Variants in PRKG1 observed in about 807,000 individuals in gnomAD.
PRKG1 encodes the protein protein kinase cGMP-dependent 1, also known as cGMP-dependent protein kinase 1.
PRKG1 carries 35 observed loss-of-function variants against 88.1 expected under a neutral mutation model. The ratio of observed to expected loss-of-function variants is 0.40; its 90% CI spans 0.30 to 0.53. The LOEUF is 0.53. Among genes scored for constraint, PRKG1 ranks in the 20% least tolerant of loss-of-function variants. PRKG1 has a pLI of 0.59. For synonymous variants in PRKG1, 303 were observed against 292.5 expected (o/e 1.04, Z -0.37); for missense variants, 540 against 839.8 (o/e 0.64, Z 4.41).
chr10:51,568,949 G>C (rs1427038994), intron 3 of PRKG1, among the ~76,000 whole-genome samples: 2 of 152,066 alleles, frequency 1.3e-5, no homozygotes, highest in East Asian at 3.9e-4. Context: ...AGTGATGCTG[G>C]GTGTGGGCCG....
chr10:51,468,326 G>A (rs1251927399), intron 3 of PRKG1, among the ~76,000 whole-genome samples: 1 of 151,736 alleles, frequency 6.6e-6, no homozygotes, highest in Non-Finnish European at 1.5e-5. Flanking sequence ...CTGCATCTGA[G>A]TATATTTTTG....
At position 51,745,944 on chromosome 10, in the gene PRKG1, A is replaced by T. The variant is rs146336453; in HGVS notation, c.593-58641A>T. Among the ~76,000 whole-genome samples the T allele has an allele frequency of 2.0e-5, 3 of 152,338 alleles. No homozygotes were observed. The East Asian group carries it at 5.8e-4, about 29-fold the overall frequency. ...ACTGCAGCATCGAACTCCTGGGCTC[A>T]ATTGATCCTACTGCCTTAGCCTCCC... On this transcript the variant is annotated intron_variant, in intron 3 of 17. Transcript: ENST00000373980.
intron 3 of PRKG1, among the ~76,000 whole-genome samples, chr10:51,748,459 C>A (rs1837636040): frequency 6.6e-6 from 1 of 152,078 alleles, no homozygotes; most frequent in Non-Finnish European, 1.5e-5. Context: ...TAAAAGGCAT[C>A]CTAAGGCAAT....
At chr10:51,572,338 A>G (rs1424460604) in intron 3 of PRKG1, among the ~76,000 whole-genome samples, 1 of 151,868 alleles carries the variant, frequency 6.6e-6, no homozygotes, top group Non-Finnish European at 1.5e-5. Context: ...GAGTAATGAA[A>G]GGAAATCAGT....
intron 3 of PRKG1, among the ~76,000 whole-genome samples, chr10:51,478,046 G>A (rs749269291): frequency 1.3e-5 from 2 of 151,954 alleles, no homozygotes; most frequent in Admixed American, 6.6e-5. Flanking sequence ...GAGGTAAAGG[G>A]TATTCATCTG....
intron 7 of PRKG1, among the ~76,000 whole-genome samples, chr10:52,086,472 T>G (rs747257553): frequency 3.3e-5 from 5 of 151,520 alleles, no homozygotes; most frequent in Non-Finnish European, 7.4e-5. Context: ...TGTTGCAATC[T>G]TGGCTCACTG....
intron 3 of PRKG1, among the ~76,000 whole-genome samples, chr10:51,521,292 A>G (rs1841730425): frequency 6.6e-6 from 1 of 152,234 alleles, no homozygotes; most frequent in Non-Finnish European, 1.5e-5. Flanking sequence ...TCTGTCTCAA[A>G]AAAACAAAAA....
intron 2 of PRKG1, among the ~76,000 whole-genome samples, chr10:51,363,694 C>T (rs576444636): frequency 1.3e-5 from 2 of 151,772 alleles, no homozygotes; most frequent in Admixed American, 6.6e-5. Flanking sequence ...TGGTAGGAGT[C>T]GTGAGTCTTT....
chr10:51,252,007 G>A (rs1839438619), intron 2 of PRKG1, among the ~76,000 whole-genome samples: 1 of 151,726 alleles, frequency 6.6e-6, no homozygotes, highest in South Asian at 2.1e-4. Context: ...ATAATATGCA[G>A]TATATTGCAT....
intron 2 of PRKG1, among the ~76,000 whole-genome samples, chr10:51,163,660 A>T (rs1470287310): frequency 6.6e-6 from 1 of 152,176 alleles, no homozygotes; most frequent in Admixed American, 6.5e-5. Context: ...GGGGTGACAG[A>T]CGGCACCTGG....
intron 7 of PRKG1, among the ~76,000 whole-genome samples, chr10:52,122,935 A>G (rs575513322): frequency 6.6e-6 from 1 of 152,072 alleles, no homozygotes; most frequent in East Asian, 2.0e-4. Context: ...CAAAGGAAAC[A>G]CAACAGAAAA....
At chr10:52,227,827 A>G (rs1840426787) in intron 9 of PRKG1, among the ~76,000 whole-genome samples, 1 of 152,332 alleles carries the variant, frequency 6.6e-6, no homozygotes, top group African/African-American at 2.4e-5. Flanking sequence ...TGCACTGCAC[A>G]TGTGCCCAGT....
At chr10:51,518,948 T>G (rs1248796056) in intron 3 of PRKG1, among the ~76,000 whole-genome samples, 4 of 152,234 alleles carry the variant, frequency 2.6e-5, no homozygotes, top group African/African-American at 9.6e-5. Context: ...GCTTTCATTG[T>G]TCAAAATAAG....
intron 5 of PRKG1, among the ~76,000 whole-genome samples, chr10:52,005,699 G>A (rs1328402878): frequency 6.6e-6 from 1 of 152,076 alleles, no homozygotes; most frequent in Non-Finnish European, 1.5e-5. Context: ...ATTTGCTGAG[G>A]GATGCAGTCT....
intron 5 of PRKG1, among the ~76,000 whole-genome samples, chr10:51,918,589 G>T (rs1194774194): frequency 3.3e-5 from 5 of 152,122 alleles, no homozygotes; most frequent in Admixed American, 6.5e-5. Flanking sequence ...TGTTCGAAAT[G>T]GTTGCTCTGT....
intron 2 of PRKG1, among the ~76,000 whole-genome samples, chr10:51,304,517 T>A (rs1178281900): frequency 1.3e-5 from 2 of 152,110 alleles, no homozygotes; most frequent in Admixed American, 1.3e-4. Context: ...AGTTTTAGGG[T>A]ACATGTGCAC....
rs182140119 is a variant in PRKG1 at position 52,117,208 on chromosome 10, G to A, written c.936-16632G>A. ...TGTGTGTGTGTGTGTGTGTATGATTGGTAGCTTAATCTTTTAAGAGATCCA... is the reference window on the plus strand; with the variant it reads ...TGTGTGTGTGTGTGTGTGTATGATTAGTAGCTTAATCTTTTAAGAGATCCA... On this transcript the variant is annotated intron_variant, in intron 7 of 17. Transcript: ENST00000373980. 7.6e-5 allele frequency among the ~76,000 whole-genome samples: 11 copies of A among 145,060 alleles called. No homozygotes were observed. In the East Asian group the frequency reaches 2.2e-3, roughly 29 times the overall value.
intron 1 of PRKG1, among the ~76,000 whole-genome samples, chr10:51,005,402 C>G (rs74133930): frequency 1.5e-4 from 23 of 152,302 alleles, no homozygotes; most frequent in African/African-American, 4.8e-4. Flanking sequence ...CTTTGTTCGT[C>G]TCCTTTGATG....
chr10:51,074,970 T>C (rs1843909117), intron 1 of PRKG1, 69 bp downstream of exon 1: 3 of 1,478,412 alleles, frequency 2.0e-6, no homozygotes, highest in Non-Finnish European at 2.7e-6. Flanking sequence ...CTCTGTATTG[T>C]CTGTCGGCCC....
Sources: allele counts gnomAD v4.1 joint callset (sites outside exome capture counted in the v4.1 genomes callset), GRCh38; gene constraint gnomAD v4.1.1; transcripts MANE v1.5; gene names NCBI Gene and HGNC (gene_info 2026-07-23, HGNC 2026-07-21).